STPG2: variants seen among roughly 807,000 people sequenced by gnomAD.
STPG2 encodes the protein sperm tail PG-rich repeat containing 2.
STPG2 carries 56 observed loss-of-function variants against 54.2 expected under a neutral mutation model. That is an observed-to-expected ratio of 1.03 (90% CI 0.83 to 1.29). The LOEUF is 1.29. Ranked by LOEUF, STPG2 falls within the 50% of genes most tolerant of loss-of-function variation. The pLI, the probability that STPG2 is intolerant of heterozygous loss-of-function variation, is 0.00. For missense variants in STPG2, 596 were observed against 544.9 expected, an observed-to-expected ratio of 1.09 and a Z score of -0.93; for synonymous variants, 200 against 181.8, an observed-to-expected ratio of 1.10 and a Z score of -0.81.
At chr4:97,942,588 AT>A (rs564914947) in intron 8 of STPG2, among the ~76,000 whole-genome samples, 385 of 152,210 alleles carry the variant, frequency 2.5e-3, no homozygotes, top group African/African-American at 8.7e-3. Context: ...AGAAAAAAAA[AT>A]AATAAGTCCA....
intron 5 of STPG2, among the ~76,000 whole-genome samples, chr4:97,984,627 T>TA (rs1182337466): frequency 2.0e-5 from 3 of 152,248 alleles, no homozygotes; most frequent in Non-Finnish European, 4.4e-5. Context: ...GTTTAGTTTT[T>TA]AACTTTTCCC....
chr4:97,647,767 C>T (rs1416658563), intron 10 of STPG2, among the ~76,000 whole-genome samples: 2 of 152,220 alleles, frequency 1.3e-5, no homozygotes, highest in South Asian at 4.1e-4. Flanking sequence ...GGAATACCAC[C>T]TTTCCTTTTG....
chr4:98,025,044 A>AT (rs1246974554), intron 5 of STPG2, among the ~76,000 whole-genome samples: 1 of 152,190 alleles, frequency 6.6e-6, no homozygotes, highest in Non-Finnish European at 1.5e-5. Context: ...TCCAAAAGGT[A>AT]TAAGAATAAA....
chr4:97,847,914 A>G (rs796347582), intron 8 of STPG2, among the ~76,000 whole-genome samples: 4 of 152,314 alleles, frequency 2.6e-5, no homozygotes, highest in African/African-American at 7.2e-5. Context: ...TCTGTCCTTT[A>G]CTACCAAAAA....
chr4:98,076,157 T>G (rs1738159007), intron 5 of STPG2, among the ~76,000 whole-genome samples: 1 of 151,086 alleles, frequency 6.6e-6, no homozygotes, highest in Non-Finnish European at 1.5e-5. Flanking sequence ...GGCAGGAGAA[T>G]GGCATGAACC....
intron 9 of STPG2, among the ~76,000 whole-genome samples, chr4:97,838,583 A>C (rs1039301722): frequency 5.3e-5 from 8 of 151,462 alleles, no homozygotes; most frequent in Non-Finnish European, 3.0e-5. Flanking sequence ...AGACTTGATA[A>C]TATCGCACTT....
At chr4:97,687,539 C>T (rs989614320) in intron 10 of STPG2, among the ~76,000 whole-genome samples, 6 of 151,600 alleles carry the variant, frequency 4.0e-5, no homozygotes, top group Non-Finnish European at 7.4e-5. Flanking sequence ...AGGGTTTCAC[C>T]ACGTTGGCCA....
At chr4:97,901,558 TA>T (rs1429232867) in intron 8 of STPG2, among the ~76,000 whole-genome samples, 3 of 151,910 alleles carry the variant, frequency 2.0e-5, no homozygotes, top group African/African-American at 2.4e-5. Flanking sequence ...TTAAAGACAT[TA>T]AGAAAACCAT....
chr4:97,822,802 C>T (rs114940413), intron 9 of STPG2, among the ~76,000 whole-genome samples: 12 of 152,302 alleles, frequency 7.9e-5, no homozygotes, highest in South Asian at 2.1e-4. Flanking sequence ...CAAGCCATGA[C>T]GGCTCTACCC....
At chr4:97,701,042 A>C (rs1723756208) in intron 10 of STPG2, among the ~76,000 whole-genome samples, 1 of 152,188 alleles carries the variant, frequency 6.6e-6, no homozygotes, top group Non-Finnish European at 1.5e-5. Flanking sequence ...CCACCCCTGC[A>C]TCTTTCATAT....
intron 8 of STPG2, among the ~76,000 whole-genome samples, chr4:97,924,212 C>A (rs1732247459): frequency 6.6e-6 from 1 of 152,194 alleles, no homozygotes; most frequent in Non-Finnish European, 1.5e-5. Context: ...TCCGGACACA[C>A]CACCTTTAAG....
chr4:97,554,735 T>G (rs757350330), downstream of STPG2, among the ~76,000 whole-genome samples: 1 of 152,156 alleles, frequency 6.6e-6, no homozygotes, highest in Non-Finnish European at 1.5e-5. Context: ...CTATAAATAG[T>G]TATGCTACCC....
intron 4 of STPG2, among the ~76,000 whole-genome samples, chr4:97,537,912 C>T (rs1245448700): frequency 6.6e-6 from 1 of 152,228 alleles, no homozygotes; most frequent in Admixed American, 6.5e-5. Context: ...GCAGCCTCCG[C>T]TGCTGATACC....
chr4:97,794,815 G>A (rs113166034), intron 9 of STPG2, among the ~76,000 whole-genome samples: 2,803 of 152,134 alleles, frequency 0.018, 78 homozygotes, highest in African/African-American at 0.064. Flanking sequence ...AAAATTAGAC[G>A]TGGCTTGCTT....
At chr4:98,019,376 A>G (rs561152012) in intron 5 of STPG2, among the ~76,000 whole-genome samples, 68 of 152,016 alleles carry the variant, frequency 4.5e-4, no homozygotes, top group African/African-American at 1.5e-3. Flanking sequence ...ATTGATCTAT[A>G]TCTCTGTTTT....
chr4:98,075,187 C>G (rs1738123914), intron 5 of STPG2, among the ~76,000 whole-genome samples: 1 of 152,154 alleles, frequency 6.6e-6, no homozygotes, highest in African/African-American at 2.4e-5. Flanking sequence ...CCAGGAGCAC[C>G]ATGAGACCAC....
intron 9 of STPG2, among the ~76,000 whole-genome samples, chr4:97,730,457 T>G (rs1407887064): frequency 6.6e-6 from 1 of 152,234 alleles, no homozygotes; most frequent in Non-Finnish European, 1.5e-5. Flanking sequence ...AGCACTGTGA[T>G]GAACATATGG....
At chr4:97,743,396 A>C (rs1320344374) in intron 9 of STPG2, among the ~76,000 whole-genome samples, 3 of 151,692 alleles carry the variant, frequency 2.0e-5, no homozygotes, top group African/African-American at 7.3e-5. Context: ...CCATTCTTTC[A>C]CTTACATAGA....
intron 2 of STPG2, among the ~76,000 whole-genome samples, chr4:98,132,122 G>C (rs1740011745): frequency 6.6e-6 from 1 of 151,774 alleles, no homozygotes; most frequent in Admixed American, 6.6e-5. Context: ...CACCAGGAAG[G>C]AAATATATTA....
Sources: allele counts gnomAD v4.1 joint callset (sites outside exome capture counted in the v4.1 genomes callset), GRCh38; gene constraint gnomAD v4.1.1; transcripts MANE v1.5; gene names NCBI Gene and HGNC (gene_info 2026-07-23, HGNC 2026-07-21).